Variants in SAMMSON observed in about 807,000 individuals in gnomAD.
SAMMSON encodes survival associated mitochondrial melanoma specific oncogenic non-coding RNA.
intron 8 of SAMMSON, among the ~76,000 whole-genome samples, chr3:70,355,275 C>A (rs560439054): frequency 6.6e-6 from 1 of 152,190 alleles, no homozygotes; most frequent in African/African-American, 2.4e-5. Flanking sequence ...CACATTCTTA[C>A]ATACAAATAA....
At chr3:70,295,586 C>G (rs546024525) in intron 7 of SAMMSON, among the ~76,000 whole-genome samples, 1 of 152,042 alleles carries the variant, frequency 6.6e-6, no homozygotes, top group East Asian at 1.9e-4. Context: ...ACCTGTAGTC[C>G]TATTCCTAAG....
chr3:70,115,599 C>A (rs546471999), intron 4 of SAMMSON, among the ~76,000 whole-genome samples: 2 of 152,058 alleles, frequency 1.3e-5, no homozygotes, highest in Non-Finnish European at 2.9e-5. Context: ...TCATTAAAAT[C>A]TTTGTCATTG....
At position 70,136,842 on chromosome 3, in the gene SAMMSON, T is replaced by TTTTGC. The variant is rs143665474; in HGVS notation, n.507+65281_507+65282insCTTTG. ...CTTAAGACATTTTATGTCATTGAAG[T>TTTTGC]TTTGATCTAAGTTTTTCTCCTTAGT... is the stretch of plus-strand genomic sequence containing the variant. On this transcript the variant is annotated intron_variant and non_coding_transcript_variant, in intron 4 of 9. Coordinates refer to ENST00000642114, the Ensembl canonical transcript of SAMMSON. Among the ~76,000 whole-genome samples the TTTTGC allele has an allele frequency of 3.1e-3, 476 of 151,994 alleles. 1 individual carries two copies. The highest frequency in any genetic ancestry group is 0.011 in the African/African-American group (454 of 41,488).
At chr3:70,044,613 G>A (rs2067117355) in intron 3 of SAMMSON, among the ~76,000 whole-genome samples, 1 of 151,854 alleles carries the variant, frequency 6.6e-6, no homozygotes, top group Non-Finnish European at 1.5e-5. Flanking sequence ...TTGGTGTCTG[G>A]TTATAATTTA....
At chr3:70,052,424 G>GA (rs973380396) in intron 3 of SAMMSON, among the ~76,000 whole-genome samples, 37 of 151,910 alleles carry the variant, frequency 2.4e-4, no homozygotes, top group Non-Finnish European at 2.9e-4. Flanking sequence ...TGCAATCATA[G>GA]AAAAAAATGG....
chr3:70,177,606 C>T (rs776581500), intron 4 of SAMMSON, among the ~76,000 whole-genome samples: 10 of 152,086 alleles, frequency 6.6e-5, no homozygotes, highest in Non-Finnish European at 1.0e-4. Context: ...CCTGGTATGT[C>T]ACCTCATATT....
chr3:70,310,155 A>G (rs1356603136), intron 7 of SAMMSON, among the ~76,000 whole-genome samples: 1 of 152,018 alleles, frequency 6.6e-6, no homozygotes, highest in East Asian at 1.9e-4. Flanking sequence ...TATTTAAAAG[A>G]CCTTTTCAAA....
intron 9 of SAMMSON, among the ~76,000 whole-genome samples, chr3:70,387,793 C>G (rs1700988115): frequency 6.6e-6 from 1 of 152,024 alleles, no homozygotes; most frequent in Non-Finnish European, 1.5e-5. Context: ...AACACTCCTA[C>G]AGGGGCTGTA....
intron 4 of SAMMSON, among the ~76,000 whole-genome samples, chr3:70,187,377 A>C (rs1313380990): frequency 7.1e-6 from 1 of 140,344 alleles, no homozygotes; most frequent in Non-Finnish European, 1.5e-5. Context: ...TCTCATAGAC[A>C]TTTTTGGTGG....
chr3:70,248,753 CA>C (rs1701731824), intron 4 of SAMMSON, among the ~76,000 whole-genome samples: 1 of 152,064 alleles, frequency 6.6e-6, no homozygotes, highest in South Asian at 2.1e-4. Context: ...AACAGCTCAA[CA>C]TATTGGAAAA....
At position 70,010,553 on chromosome 3, in the gene SAMMSON, T is replaced by C. The variant is rs534112225; in HGVS notation, n.23-1804T>C. Among the ~76,000 whole-genome samples the C allele has an allele frequency of 3.3e-5, 5 of 152,266 alleles. No individual in the cohort carries two copies. The East Asian group carries it at 9.6e-4, about 29-fold the overall frequency. ...GCTATTTTCACTGATGTCATTCTTG[T>C]GTCTTAGGGTTCCTGTTAAAACCCC... On this transcript the variant is annotated intron_variant and non_coding_transcript_variant, in intron 1 of 9. Coordinates refer to ENST00000642114, the Ensembl canonical transcript of SAMMSON.
At chr3:70,129,940 G>C (rs144942338) in intron 4 of SAMMSON, among the ~76,000 whole-genome samples, 3 of 152,094 alleles carry the variant, frequency 2.0e-5, no homozygotes, top group African/African-American at 4.8e-5. Flanking sequence ...TAGTGAAATG[G>C]TTACTATACT....
chr3:70,073,724 T>G (rs887736566), intron 4 of SAMMSON, among the ~76,000 whole-genome samples: 2 of 152,012 alleles, frequency 1.3e-5, no homozygotes, highest in African/African-American at 2.4e-5. Context: ...CCAAACTCAT[T>G]TTTTAAAAGA....
chr3:70,284,902 A>C (rs1702126960), intron 6 of SAMMSON, among the ~76,000 whole-genome samples: 1 of 152,188 alleles, frequency 6.6e-6, no homozygotes, highest in Non-Finnish European at 1.5e-5. Context: ...TGAAAATAAA[A>C]GTTAAACAAA....
intron 9 of SAMMSON, among the ~76,000 whole-genome samples, chr3:70,375,627 A>G (rs1317565337): frequency 6.6e-6 from 1 of 152,146 alleles, no homozygotes; most frequent in Non-Finnish European, 1.5e-5. Context: ...TCCTACAAAT[A>G]TGGCATATCA....
At chr3:70,189,363 A>G (rs1460207214) in intron 4 of SAMMSON, among the ~76,000 whole-genome samples, 1 of 152,188 alleles carries the variant, frequency 6.6e-6, no homozygotes, top group African/African-American at 2.4e-5. Context: ...TAATATATAC[A>G]CTAAGTTCTA....
chr3:70,294,196 G>C (rs947084738), intron 7 of SAMMSON, among the ~76,000 whole-genome samples: 1 of 152,054 alleles, frequency 6.6e-6, no homozygotes, highest in Non-Finnish European at 1.5e-5. Context: ...ACAGTTTTCT[G>C]TAGAATGAAA....
intron 7 of SAMMSON, among the ~76,000 whole-genome samples, chr3:70,323,968 G>A (rs755389385): frequency 1.3e-5 from 2 of 152,042 alleles, no homozygotes; most frequent in African/African-American, 2.4e-5. Flanking sequence ...TTCTACCTCA[G>A]GCTCATGGAT....
At chr3:70,065,821 C>T (rs891723051) in intron 3 of SAMMSON, among the ~76,000 whole-genome samples, 1 of 152,116 alleles carries the variant, frequency 6.6e-6, no homozygotes, top group African/African-American at 2.4e-5. Flanking sequence ...AGAAACCCTG[C>T]CCCAGAACTG....
Sources: gnomAD v4.1 joint callset for allele counts (sites outside exome capture counted in the v4.1 genomes callset) on GRCh38, gnomAD v4.1.1 for gene constraint, MANE v1.5 for transcripts, NCBI Gene and HGNC (gene_info 2026-07-23, HGNC 2026-07-21) for gene names.